Variants in GRIN2A observed in about 807,000 individuals in gnomAD.
GRIN2A encodes glutamate ionotropic receptor NMDA type subunit 2A, also known as glutamate receptor ionotropic, NMDA 2A.
Under a neutral mutation model 113.4 loss-of-function variants are expected in GRIN2A, and 22 were observed. The observed-to-expected ratio is 0.19, with a 90% confidence interval of 0.14 to 0.28. The LOEUF (loss-of-function observed/expected upper bound fraction) is 0.28. Among genes scored for constraint, GRIN2A ranks in the 10% least tolerant of loss-of-function variants. The pLI is 1.00. For missense variants in GRIN2A, 1,502 were observed against 1,887.0 expected (o/e 0.80, Z 3.78); for synonymous variants, 827 against 738.4 (o/e 1.12, Z -1.94).
At chr16:10,039,557 C>A (rs1160391370) in intron 2 of GRIN2A, among the ~76,000 whole-genome samples, 1 of 152,006 alleles carries the variant, frequency 6.6e-6, no homozygotes, top group Non-Finnish European at 1.5e-5. Flanking sequence ...AAGGCTGCCA[C>A]CTACAGAACA....
chr16:10,111,276 A>G (rs2048607405), intron 2 of GRIN2A: 3 of 343,804 alleles, frequency 8.7e-6, no homozygotes, highest in Non-Finnish European at 1.7e-5. Context: ...CACTATGGGC[A>G]TTAAAAATTA....
rs1009212476 is a variant in GRIN2A, at chr16:9,876,556, G to A, written c.1122+14430C>T. Among the ~76,000 whole-genome samples, 7 of 152,146 alleles carry A rather than the reference G, an allele frequency of 4.6e-5. No homozygotes were observed. The East Asian group carries it at 1.4e-3, about 29-fold the overall frequency. ...TGTCTTTTCCCATTCCTTTGACTCT[G>A]CCGGATTTTGTAGCCCCCACAGCCT... On this transcript the variant is annotated intron_variant, in intron 4 of 12. Transcript: ENST00000330684.
At chr16:10,145,065 T>C (rs933635641) in intron 2 of GRIN2A, among the ~76,000 whole-genome samples, 5 of 150,304 alleles carry the variant, frequency 3.3e-5, no homozygotes, top group Non-Finnish European at 7.4e-5. Flanking sequence ...CATTCTGCTA[T>C]GTGAAATAAG....
In GRIN2A at chr16:9,823,945, A is replaced by C. The variant is rs116732310; in HGVS notation, c.2008-1521T>G. Among the ~76,000 whole-genome samples the C allele has an allele frequency of 8.4e-3, 1,272 of 152,310 alleles. 21 individuals are homozygous for C. The highest frequency in any genetic ancestry group is 0.029 in the African/African-American group (1,202 of 41,564). On this transcript the variant is annotated intron_variant, in intron 9 of 12. Transcript: ENST00000330684. ...GTCAGAACCAGGACCACAATGCAGC[A>C]GTCTCTCCAACTTCCAGACCAGTGT...
At chr16:10,139,505 G>C (rs777873528) in intron 2 of GRIN2A, among the ~76,000 whole-genome samples, 2 of 152,226 alleles carry the variant, frequency 1.3e-5, no homozygotes, top group Non-Finnish European at 1.5e-5. Flanking sequence ...GTAGGGTTTG[G>C]CCTGTGCAAT....
At chr16:10,162,416 A>C (rs983867128) in intron 2 of GRIN2A, among the ~76,000 whole-genome samples, 2 of 152,222 alleles carry the variant, frequency 1.3e-5, no homozygotes, top group African/African-American at 2.4e-5. Context: ...AAAGGATCAC[A>C]GTCTTTATTA....
chr16:10,170,767 C>A (rs532120169), intron 2 of GRIN2A, among the ~76,000 whole-genome samples: 1 of 151,780 alleles, frequency 6.6e-6, no homozygotes, highest in African/African-American at 2.4e-5. Context: ...TTCCTAGCTA[C>A]TTGGGAGGCT....
At chr16:10,170,153 GT>G (rs1400511147) in intron 2 of GRIN2A, among the ~76,000 whole-genome samples, 5 of 152,134 alleles carry the variant, frequency 3.3e-5, no homozygotes, top group Admixed American at 1.3e-4. Context: ...TGCTGTACTG[GT>G]GAAACAAAAT....
At chr16:9,792,045 A>G (rs1902636340) in intron 11 of GRIN2A, among the ~76,000 whole-genome samples, 1 of 151,928 alleles carries the variant, frequency 6.6e-6, no homozygotes, top group African/African-American at 2.4e-5. Flanking sequence ...AAGTTGCAGT[A>G]CAAAAGGAAC....
intron 4 of GRIN2A, among the ~76,000 whole-genome samples, chr16:9,871,473 TAA>T (rs932596916): frequency 1.3e-5 from 2 of 152,062 alleles, no homozygotes; most frequent in Non-Finnish European, 2.9e-5. Context: ...AAGTGCCATT[TAA>T]AAGTCTAGAA....
intron 2 of GRIN2A, among the ~76,000 whole-genome samples, chr16:9,968,501 TG>T (rs2045606222): frequency 6.6e-6 from 1 of 152,082 alleles, no homozygotes; most frequent in Admixed American, 6.6e-5. Flanking sequence ...TTAGTAGATT[TG>T]GGGTTTCACC....
intron 5 of GRIN2A, among the ~76,000 whole-genome samples, chr16:9,849,110 C>T (rs1160104825): frequency 1.1e-5 from 1 of 92,684 alleles, no homozygotes; most frequent in Non-Finnish European, 2.1e-5. Context: ...ATAAAATATA[C>T]TGTTTTATAT....
intron 2 of GRIN2A, among the ~76,000 whole-genome samples, chr16:10,059,164 A>C (rs1051709092): frequency 1.3e-5 from 2 of 152,178 alleles, no homozygotes; most frequent in Non-Finnish European, 2.9e-5. Context: ...ACAAAGATGG[A>C]GCAGCTGCAG....
At chr16:10,036,559 T>C (rs1276820484) in intron 2 of GRIN2A, among the ~76,000 whole-genome samples, 2 of 142,176 alleles carry the variant, frequency 1.4e-5, no homozygotes, top group Non-Finnish European at 3.1e-5. Flanking sequence ...TCCTGCCTCA[T>C]CCTCTGGAGT....
intron 11 of GRIN2A, among the ~76,000 whole-genome samples, chr16:9,791,577 C>T (rs1902607991): frequency 6.6e-6 from 1 of 152,150 alleles, no homozygotes; most frequent in Non-Finnish European, 1.5e-5. Flanking sequence ...TCCAGCTCTA[C>T]CCCAGACTCG....
intron 4 of GRIN2A, among the ~76,000 whole-genome samples, chr16:9,882,575 T>A (rs2043502585): frequency 6.6e-6 from 1 of 151,964 alleles, no homozygotes; most frequent in African/African-American, 2.4e-5. Context: ...CTGTTTGAGG[T>A]TAGGAGATTG....
chr16:10,069,070 AG>A (rs1206752829), intron 2 of GRIN2A, among the ~76,000 whole-genome samples: 3 of 152,114 alleles, frequency 2.0e-5, no homozygotes, highest in Admixed American at 6.5e-5. Flanking sequence ...CTAGCCACCA[AG>A]ATGTCATGAG....
intron 2 of GRIN2A, among the ~76,000 whole-genome samples, chr16:10,044,022 T>TATATATATAGAGAG (rs531659457): frequency 7.2e-4 from 78 of 107,966 alleles, no homozygotes; most frequent in South Asian, 2.4e-3. Context: ...TATATATATA[T>TATATATATAGAGAG]AGAGAGAGAG....
chr16:9,910,909 A>G (rs2044121882), intron 3 of GRIN2A, among the ~76,000 whole-genome samples: 3 of 151,618 alleles, frequency 2.0e-5, no homozygotes, highest in African/African-American at 7.3e-5. Context: ...AGGTGGGCCT[A>G]TTTTTCTGCT....
Sources: allele counts gnomAD v4.1 joint callset (sites outside exome capture counted in the v4.1 genomes callset), GRCh38; gene constraint gnomAD v4.1.1; transcripts MANE v1.5; gene names NCBI Gene and HGNC (gene_info 2026-07-23, HGNC 2026-07-21).